The following XKR6 variants were observed in gnomAD, a reference collection of about 807,000 sequenced individuals.
XKR6 encodes XK related 6, also known as XK-related protein 6.
Under a neutral mutation model 56.7 loss-of-function variants are expected in XKR6, and 22 were observed. That is an observed-to-expected ratio of 0.39 (90% CI 0.28 to 0.55). The LOEUF is 0.55. Ranked by LOEUF, XKR6 falls within the 20% of genes least tolerant of loss-of-function variation. XKR6 has a pLI of 0.66. For synonymous variants in XKR6, 524 were observed against 387.8 expected (o/e 1.35, Z -4.13); for missense variants, 852 against 889.0 (o/e 0.96, Z 0.53).
intron 1 of XKR6, among the ~76,000 whole-genome samples, chr8:11,030,656 G>C (rs1798971423): frequency 6.8e-6 from 1 of 147,728 alleles, no homozygotes; most frequent in South Asian, 2.1e-4. Context: ...CGTGAGGGGA[G>C]GGACTCAGTT....
intron 1 of XKR6, among the ~76,000 whole-genome samples, chr8:10,987,510 C>G (rs1267761495): frequency 6.6e-6 from 1 of 152,208 alleles, no homozygotes; most frequent in Non-Finnish European, 1.5e-5. Flanking sequence ...TCTCATCATC[C>G]CTTGTGTGAC....
intron 2 of XKR6, among the ~76,000 whole-genome samples, chr8:10,911,684 G>C (rs943051078): frequency 6.7e-6 from 1 of 148,638 alleles, no homozygotes; most frequent in African/African-American, 2.5e-5. Flanking sequence ...AAAAGAGAGG[G>C]TGAGTATATA....
chr8:11,086,399 G>A (rs187561265), intron 1 of XKR6, among the ~76,000 whole-genome samples: 57 of 152,260 alleles, frequency 3.7e-4, no homozygotes, highest in African/African-American at 1.4e-3. Flanking sequence ...GCTATTCGCT[G>A]TTATCCATAA....
intron 1 of XKR6, among the ~76,000 whole-genome samples, chr8:10,992,874 C>G (rs1254770308): frequency 1.3e-5 from 2 of 152,176 alleles, no homozygotes; most frequent in African/African-American, 4.8e-5. Context: ...CATGATCTCA[C>G]GAAGTTCCCG....
intron 1 of XKR6, among the ~76,000 whole-genome samples, chr8:11,197,525 A>C (rs1192387246): frequency 6.6e-6 from 1 of 152,242 alleles, no homozygotes; most frequent in Non-Finnish European, 1.5e-5. Flanking sequence ...TCCTGGAATA[A>C]GTGATTCACA....
intron 1 of XKR6, among the ~76,000 whole-genome samples, chr8:11,093,069 CT>C (rs1486804632): frequency 6.6e-6 from 1 of 151,582 alleles, no homozygotes; most frequent in Non-Finnish European, 1.5e-5. Flanking sequence ...TTCTTTCTTT[CT>C]TTTAGACGGA....
At chr8:10,971,877 G>C (rs1408197367) in intron 1 of XKR6, among the ~76,000 whole-genome samples, 3 of 152,162 alleles carry the variant, frequency 2.0e-5, no homozygotes, top group Non-Finnish European at 4.4e-5. Flanking sequence ...TGTGTTGCTT[G>C]TTGCAGTAGG....
chr8:10,923,810 C>T (rs73196838), intron 2 of XKR6, among the ~76,000 whole-genome samples: 21,934 of 152,146 alleles, frequency 0.14, 2,005 homozygotes, highest in Non-Finnish European at 0.21. Flanking sequence ...GGGGTATGGA[C>T]GGCAGACCCC....
intron 1 of XKR6, among the ~76,000 whole-genome samples, chr8:10,943,431 G>T (rs578257211): frequency 6.6e-6 from 1 of 152,082 alleles, no homozygotes; most frequent in Non-Finnish European, 1.5e-5. Context: ...CCCCACACCT[G>T]CTCCTGCCCT....
intron 1 of XKR6, among the ~76,000 whole-genome samples, chr8:11,171,688 A>ATC (rs766137068): frequency 7.9e-5 from 12 of 152,326 alleles, no homozygotes; most frequent in Non-Finnish European, 1.5e-4. Flanking sequence ...CACTGGAAAC[A>ATC]GACGCCAGGG....
rs111421403 is a variant in XKR6 at position 10,987,701 on chromosome 8, C to A, written c.765-62871G>T. ...AGCCCTACCATGACTTCCCACTTCACCTAGATTAAGACCCCAAGCATTTAC... is the reference window on the plus strand; with the variant it reads ...AGCCCTACCATGACTTCCCACTTCAACTAGATTAAGACCCCAAGCATTTAC... On this transcript the variant is annotated intron_variant, in intron 1 of 2. Transcript: ENST00000416569. Among the ~76,000 whole-genome samples, 5 of 152,354 alleles carry A rather than the reference C, an allele frequency of 3.3e-5. 1 individual carries two copies. Among genetic ancestry groups the A allele is most frequent in the African/African-American group, 1.2e-4 (5 of 41,578 alleles).
chr8:10,918,322 A>G (rs1045717871), intron 2 of XKR6, among the ~76,000 whole-genome samples: 2 of 152,186 alleles, frequency 1.3e-5, no homozygotes. Context: ...GCTCTGGAAG[A>G]CTCAGGACAT....
chr8:10,918,639 T>G (rs1287786498), intron 2 of XKR6, among the ~76,000 whole-genome samples: 1 of 152,208 alleles, frequency 6.6e-6, no homozygotes, highest in Non-Finnish European at 1.5e-5. Flanking sequence ...CTCTACCACT[T>G]CCAAGCTTGA....
At chr8:11,040,251 C>T (rs572013060) in intron 1 of XKR6, among the ~76,000 whole-genome samples, 1 of 151,674 alleles carries the variant, frequency 6.6e-6, no homozygotes. Flanking sequence ...AAAACTACCA[C>T]AGCCTCACGC....
chr8:11,140,750 T>C (rs1422571261), intron 1 of XKR6, among the ~76,000 whole-genome samples: 1 of 151,654 alleles, frequency 6.6e-6, no homozygotes, highest in Non-Finnish European at 1.5e-5. Flanking sequence ...ACAAAACAAT[T>C]AGCCAGGCAT....
rs570361597 is a variant in XKR6 at position 11,009,012 on chromosome 8, A to AT, written c.765-84183dup. ...CTTTTAGATTGTTGTCTAAAGTGGC[A>AT]TATAGGGGTGTTGTTACCACAGACA... On this transcript the variant is annotated intron_variant, in intron 1 of 2. Transcript: ENST00000416569. 1.1e-3 allele frequency among the ~76,000 whole-genome samples: 163 copies of AT among 150,706 alleles called. 1 individual carries two copies. The highest frequency in any genetic ancestry group is 3.9e-3 in the African/African-American group (159 of 41,294).
rs59410799 is a variant in XKR6, at chr8:10,990,895, C to CTTTTTTTTTTTTT, written c.765-66078_765-66066dup. On this transcript the variant is annotated intron_variant, in intron 1 of 2. Transcript: ENST00000416569. ...ACCATGCCCGGCCACTGGGGAATGTCTTTTTTTTTTTTTTTTTTTTTTTTC... is the reference window on the plus strand; with the variant it reads ...ACCATGCCCGGCCACTGGGGAATGTCTTTTTTTTTTTTTTTTTTTTTTTTTTTTTTTTTTTTTC... 8.2e-5 allele frequency among the ~76,000 whole-genome samples: 6 copies of CTTTTTTTTTTTTT among 73,592 alleles called. 1 individual carries two copies. Among genetic ancestry groups the CTTTTTTTTTTTTT allele is most frequent in the Admixed American group, 3.4e-4 (2 of 5,946 alleles). 48.3% of individuals were successfully genotyped at this position (73,592 alleles called of 152,430 possible). A position where few individuals can be genotyped will look rare whatever the true frequency, so the allele number is the denominator to read the frequency against.
intron 1 of XKR6, among the ~76,000 whole-genome samples, chr8:10,946,465 A>G (rs898973031): frequency 5.3e-5 from 8 of 151,964 alleles, no homozygotes; most frequent in African/African-American, 1.9e-4. Context: ...TTTTCGGCCC[A>G]TAGTGGGCTT....
chr8:10,914,890 C>G (rs557634383), intron 2 of XKR6, among the ~76,000 whole-genome samples: 11 of 152,362 alleles, frequency 7.2e-5, no homozygotes, highest in Admixed American at 3.3e-4. Flanking sequence ...GGAGCCCTCC[C>G]TTTGCTCAAG....
Sources: allele counts gnomAD v4.1 joint callset (sites outside exome capture counted in the v4.1 genomes callset), GRCh38; gene constraint gnomAD v4.1.1; transcripts MANE v1.5; gene names NCBI Gene and HGNC (gene_info 2026-07-23, HGNC 2026-07-21).